LIMS1: variants seen among roughly 807,000 people sequenced by gnomAD.
LIMS1 encodes LIM and senescent cell antigen-like-containing domain protein 1.
In LIMS1, 18 loss-of-function variants were observed where a neutral mutation model predicts 44.1. That is an observed-to-expected ratio of 0.41 (90% CI 0.28 to 0.61). The LOEUF is 0.61. Among genes scored for constraint, LIMS1 ranks in the 20% least tolerant of loss-of-function variants. The probability of loss-of-function intolerance (pLI) is 0.32; values close to 1 mark genes in which losing one functional copy is unlikely to be tolerated. For synonymous variants in LIMS1, 93 were observed against 149.1 expected (o/e 0.62, Z 2.74); for missense variants, 201 against 422.0 (o/e 0.48, Z 4.59).
intron 1 of LIMS1, among the ~76,000 whole-genome samples, chr2:108,628,581 C>T (rs1280344157): frequency 6.6e-6 from 1 of 152,212 alleles, no homozygotes; most frequent in East Asian, 1.9e-4. Flanking sequence ...AATTCTCCCA[C>T]CTCAGCCTCC....
intron 1 of LIMS1, among the ~76,000 whole-genome samples, chr2:108,639,056 T>A (rs77051427): frequency 2.0e-5 from 3 of 150,710 alleles, no homozygotes; most frequent in East Asian, 3.9e-4. Context: ...AAAAAAAAAA[T>A]GTCTACTTAA....
intron 1 of LIMS1, among the ~76,000 whole-genome samples, chr2:108,608,017 T>C (rs1255106383): frequency 1.3e-5 from 2 of 152,156 alleles, no homozygotes; most frequent in African/African-American, 4.8e-5. Context: ...AATGAAGATA[T>C]TGAAATTAAT....
At chr2:108,605,092 T>C (rs1687203507) in intron 1 of LIMS1, among the ~76,000 whole-genome samples, 1 of 152,216 alleles carries the variant, frequency 6.6e-6, no homozygotes, top group Admixed American at 6.5e-5. Context: ...TACACCTGTA[T>C]TGGACTGTGA....
chr2:108,582,014 A>G (rs1215048348), intron 1 of LIMS1, among the ~76,000 whole-genome samples: 1 of 152,140 alleles, frequency 6.6e-6, no homozygotes, highest in Non-Finnish European at 1.5e-5. Flanking sequence ...GTTTGAAAAT[A>G]TTTCAAGTTG....
intron 1 of LIMS1, among the ~76,000 whole-genome samples, chr2:108,627,744 TA>T (rs1688661889): frequency 6.6e-6 from 1 of 152,202 alleles, no homozygotes; most frequent in Non-Finnish European, 1.5e-5. Flanking sequence ...AGCAACTGAT[TA>T]TATGTCTGTG....
chr2:108,657,430 T>C (rs1690955898), intron 1 of LIMS1, among the ~76,000 whole-genome samples: 1 of 152,310 alleles, frequency 6.6e-6, no homozygotes, highest in South Asian at 2.1e-4. Flanking sequence ...TAAAATACTT[T>C]TTCCTCAGAA....
intron 1 of LIMS1, among the ~76,000 whole-genome samples, chr2:108,605,243 T>G (rs187048566): frequency 6.6e-6 from 1 of 152,276 alleles, no homozygotes; most frequent in Admixed American, 6.5e-5. Context: ...TACCCAGCAT[T>G]GGTCCATGTG....
chr2:108,661,828 G>A (rs1691393498), intron 2 of LIMS1, among the ~76,000 whole-genome samples: 1 of 152,124 alleles, frequency 6.6e-6, no homozygotes, highest in Non-Finnish European at 1.5e-5. Context: ...TGGAAAGCTG[G>A]CTTGGAGAGA....
chr2:108,548,294 T>G lies in LIMS1; in HGVS notation c.32+13700T>G, dbSNP rs558191105. 8.7e-3 allele frequency among the ~76,000 whole-genome samples: 1,326 copies of G among 152,270 alleles called. 8 individuals are homozygous for G. The highest frequency in any genetic ancestry group is 0.012 in the Non-Finnish European group (841 of 68,016). ...TTTAACAATGTTTGGGTTTTGTTTTTTTTTTTTCAATGCTGGCTAACCCAC... is the reference window on the plus strand; with the variant it reads ...TTTAACAATGTTTGGGTTTTGTTTTGTTTTTTTCAATGCTGGCTAACCCAC... On this transcript the variant is annotated intron_variant, in intron 1 of 9. Transcript: ENST00000544547.
At chr2:108,648,270 A>T (rs933761125) in intron 1 of LIMS1, among the ~76,000 whole-genome samples, 1 of 152,170 alleles carries the variant, frequency 6.6e-6, no homozygotes, top group Non-Finnish European at 1.5e-5. Flanking sequence ...GATGTGAAGG[A>T]CCTCTTCAAG....
rs765377307 is a variant in LIMS1 at position 108,683,867 on chromosome 2, A to G, written c.900-18A>G. On this transcript the variant is annotated intron_variant, in intron 9 of 9. Transcript: ENST00000544547. ...TGTTTCCACTAACTTCTTTTTTTTT[A>G]TAATTTTTTGTCTTTAGGAATAAGT... 20 of 1,328,046 alleles carry G rather than the reference A, an allele frequency of 1.5e-5. No individual in the cohort carries two copies. Among genetic ancestry groups the G allele is most frequent in the Non-Finnish European group, 1.9e-5 (18 of 955,420 alleles). 82.3% of individuals were successfully genotyped at this position (1,328,046 alleles called of 1,614,324 possible).
chr2:108,663,435 C>G (rs1489201314), intron 2 of LIMS1, among the ~76,000 whole-genome samples: 1 of 152,226 alleles, frequency 6.6e-6, no homozygotes, highest in Non-Finnish European at 1.5e-5. Context: ...GTTCCTAAAT[C>G]TTTGTGACAT....
intron 1 of LIMS1, among the ~76,000 whole-genome samples, chr2:108,576,270 G>T (rs1685667354): frequency 6.7e-6 from 1 of 150,038 alleles, no homozygotes; most frequent in Non-Finnish European, 1.5e-5. Context: ...AGCAAGTTTT[G>T]TTTTGTTTTG....
chr2:108,543,902 C>T (rs1684398368), intron 1 of LIMS1, among the ~76,000 whole-genome samples: 1 of 152,048 alleles, frequency 6.6e-6, no homozygotes, highest in African/African-American at 2.4e-5. Context: ...GCAGCCCAAC[C>T]CTCAGTTTGG....
intron 1 of LIMS1, among the ~76,000 whole-genome samples, chr2:108,560,022 G>A (rs1056333750): frequency 2.0e-5 from 3 of 152,010 alleles, no homozygotes; most frequent in African/African-American, 7.2e-5. Context: ...TCCTGCCTGA[G>A]GAAGAGGTGG....
rs563386954 is a variant in LIMS1, at chr2:108,546,416, G to C, written c.32+11822G>C. ...CCTGCCTCAGCCTCCCAAAATGCTG[G>C]GATTACAGGTGTGAGCCACGGTGCC... On this transcript the variant is annotated intron_variant, in intron 1 of 9. Transcript: ENST00000544547. 2.0e-3 allele frequency among the ~76,000 whole-genome samples: 302 copies of C among 151,836 alleles called. 1 individual carries two copies. Among genetic ancestry groups the C allele is most frequent in the Non-Finnish European group, 3.4e-3 (233 of 67,930 alleles).
chr2:108,673,110 A>C, intron 5 of LIMS1, 81 bp downstream of exon 5: 1 of 1,432,796 alleles, frequency 7.0e-7, no homozygotes, highest in Middle Eastern at 2.5e-4. Flanking sequence ...TACTCTAGCA[A>C]ACCAAATTGT....
intron 1 of LIMS1, among the ~76,000 whole-genome samples, chr2:108,549,883 T>A (rs963520856): frequency 6.6e-6 from 1 of 152,224 alleles, no homozygotes. Flanking sequence ...ACTTGTAATT[T>A]GTAATTTCTA....
chr2:108,567,576 G>GT (rs1420239955), intron 1 of LIMS1, among the ~76,000 whole-genome samples: 5 of 152,048 alleles, frequency 3.3e-5, no homozygotes, highest in African/African-American at 4.8e-5. Context: ...TTCTTTGCTT[G>GT]TTTTTTGTTT....
Sources: gnomAD v4.1 joint callset for allele counts (sites outside exome capture counted in the v4.1 genomes callset) on GRCh38, gnomAD v4.1.1 for gene constraint, MANE v1.5 for transcripts, NCBI Gene and HGNC (gene_info 2026-07-23, HGNC 2026-07-21) for gene names.